The following MAGI2 variants were observed in gnomAD, a reference collection of about 807,000 sequenced individuals.
MAGI2 encodes membrane associated guanylate kinase, WW and PDZ domain containing 2, also known as membrane-associated guanylate kinase, WW and PDZ domain-containing protein 2.
A neutral mutation model predicts 133.3 loss-of-function variants in MAGI2; 35 were observed. The ratio of observed to expected loss-of-function variants is 0.26; its 90% CI spans 0.20 to 0.35. The LOEUF (loss-of-function observed/expected upper bound fraction) is 0.35. MAGI2 is among the 10% of genes least tolerant of loss of function. The probability of loss-of-function intolerance (pLI) is 1.00; values close to 1 mark genes in which losing one functional copy is unlikely to be tolerated. For missense variants in MAGI2, 1,636 were observed against 1,863.4 expected, an observed-to-expected ratio of 0.88 and a Z score of 2.25; for synonymous variants, 729 against 710.6, an observed-to-expected ratio of 1.03 and a Z score of -0.41.
chr7:79,091,228 T>C (rs1817021575), intron 1 of MAGI2, among the ~76,000 whole-genome samples: 2 of 152,022 alleles, frequency 1.3e-5, no homozygotes, highest in Non-Finnish European at 2.9e-5. Context: ...TAAATTCCTC[T>C]TGAAGCTTGT....
chr7:79,379,215 G>C (rs1001266511), intron 1 of MAGI2, among the ~76,000 whole-genome samples: 1 of 149,916 alleles, frequency 6.7e-6, no homozygotes, highest in Non-Finnish European at 1.5e-5. Flanking sequence ...TGTGGTGTTT[G>C]GTTTTTTGTC....
At position 79,299,233 on chromosome 7, in the gene MAGI2, G is replaced by C. The variant is rs144176699; in HGVS notation, c.301+153787C>G. 1.6e-3 allele frequency among the ~76,000 whole-genome samples: 236 copies of C among 152,132 alleles called. 1 individual carries two copies. Among genetic ancestry groups the C allele is most frequent in the African/African-American group, 5.2e-3 (216 of 41,500 alleles). On this transcript the variant is annotated intron_variant, in intron 1 of 21. Coordinates refer to ENST00000354212, the MANE Select transcript of MAGI2 (RefSeq NM_012301.4). ...AAGAATATTTGATGTGGGTTTTTAA[G>C]ATTAAGTAGAAATTTTCCGGGCAGA...
At chr7:79,232,642 C>T in intron 1 of MAGI2, among the ~76,000 whole-genome samples, 1 of 105,498 alleles carries the variant, frequency 9.5e-6, no homozygotes, top group Non-Finnish European at 1.9e-5. Flanking sequence ...TGGTGATATC[C>T]CCTTTATCAT....
intron 1 of MAGI2, among the ~76,000 whole-genome samples, chr7:79,349,115 A>C (rs1457599386): frequency 6.6e-6 from 1 of 152,044 alleles, no homozygotes; most frequent in Non-Finnish European, 1.5e-5. Context: ...TTATGGATTT[A>C]TAAAACGTAA....
At chr7:78,243,355 T>C (rs1379337785) in intron 10 of MAGI2, among the ~76,000 whole-genome samples, 1 of 152,148 alleles carries the variant, frequency 6.6e-6, no homozygotes, top group African/African-American at 2.4e-5. Flanking sequence ...ATGTATATTA[T>C]ACTTGCACAT....
intron 2 of MAGI2, among the ~76,000 whole-genome samples, chr7:78,815,351 T>A (rs1011169357): frequency 1.3e-5 from 2 of 152,200 alleles, no homozygotes; most frequent in African/African-American, 4.8e-5. Context: ...CCATGGCAAA[T>A]AAGCTGGATT....
At chr7:79,421,956 TCAAA>T (rs1846988129) in intron 1 of MAGI2, among the ~76,000 whole-genome samples, 1 of 152,046 alleles carries the variant, frequency 6.6e-6, no homozygotes, top group South Asian at 2.1e-4. Context: ...TCACTGAGAT[TCAAA>T]CAAAGGAGGA....
intron 1 of MAGI2, among the ~76,000 whole-genome samples, chr7:79,297,820 G>A (rs1837059970): frequency 6.6e-6 from 1 of 152,204 alleles, no homozygotes; most frequent in African/African-American, 2.4e-5. Flanking sequence ...CAAATGAGTG[G>A]AAAGGACAGT....
chr7:78,031,185 T>C (rs1809531731), intron 21 of MAGI2, among the ~76,000 whole-genome samples: 1 of 152,140 alleles, frequency 6.6e-6, no homozygotes, highest in Admixed American at 6.5e-5. Flanking sequence ...GAAAACTGAT[T>C]AGTGGTTTCC....
chr7:78,078,727 G>A (rs1408371773), intron 21 of MAGI2: 17 of 604,302 alleles, frequency 2.8e-5, no homozygotes, highest in South Asian at 6.2e-5. Context: ...TTAATGGAGG[G>A]AGCAAAAGAA....
intron 1 of MAGI2, among the ~76,000 whole-genome samples, chr7:79,276,132 C>G (rs1835213707): frequency 6.6e-6 from 1 of 152,132 alleles, no homozygotes; most frequent in Non-Finnish European, 1.5e-5. Flanking sequence ...GATTGTGACT[C>G]TTCTGGTGGA....
At chr7:78,223,893 C>G (rs948953230) in intron 10 of MAGI2, among the ~76,000 whole-genome samples, 4 of 152,184 alleles carry the variant, frequency 2.6e-5, no homozygotes, top group Non-Finnish European at 5.9e-5. Flanking sequence ...ATTAAAGCCA[C>G]TGCTTTTCCC....
chr7:78,573,237 T>TATATATATAA (rs1801783622), intron 3 of MAGI2, among the ~76,000 whole-genome samples: 2 of 64,374 alleles, frequency 3.1e-5, no homozygotes, highest in Non-Finnish European at 2.6e-5. Context: ...AATATAAATA[T>TATATATATAA]ATATATATAA....
rs1177870180 is a variant in MAGI2, at chr7:78,575,170, AT to A, written c.538+51949del. Among the ~76,000 whole-genome samples the A allele has an allele frequency of 5.3e-5, 8 of 152,268 alleles. No individual in the cohort carries two copies. In the South Asian group the frequency reaches 6.2e-4, roughly 12 times the overall value. On this transcript the variant is annotated intron_variant, in intron 3 of 21. Coordinates refer to ENST00000354212, the MANE Select transcript of MAGI2 (RefSeq NM_012301.4). The stretch of plus-strand genomic sequence containing the variant: ...AAACAAACAAACACTTTAAAAAAAA[AT>A]CTCACAAAATAATTATTAACTATCA...
intron 1 of MAGI2, among the ~76,000 whole-genome samples, chr7:79,417,265 C>T (rs191534660): frequency 1.3e-5 from 2 of 152,182 alleles, no homozygotes; most frequent in Non-Finnish European, 2.9e-5. Flanking sequence ...AAGTCTAATA[C>T]TGATAGAATT....
At position 78,072,702 on chromosome 7, in the gene MAGI2, T is replaced by A. The variant is rs1047496977; in HGVS notation, c.3706+6245A>T. The A allele has an allele frequency of 6.6e-5, 26 of 393,028 alleles. 1 individual carries two copies. The highest frequency in any genetic ancestry group is 5.4e-4 in the African/African-American group (26 of 48,526). The allele number at this position is 393,028 out of a possible 1,614,324, so 24.3% of individuals were successfully genotyped here. A position where few individuals can be genotyped will look rare whatever the true frequency, so the allele number is the denominator to read the frequency against. On this transcript the variant is annotated intron_variant, in intron 21 of 21. Transcript: ENST00000354212. Reference sequence around the variant, plus strand: ...GGCAATATTTTTTCTTTCTTTTGAGTTGGGGTCTTGCTCTGTCGCCCAGGC... The same window carrying A: ...GGCAATATTTTTTCTTTCTTTTGAGATGGGGTCTTGCTCTGTCGCCCAGGC...
chr7:78,796,073 G>A (rs918999336), intron 2 of MAGI2, among the ~76,000 whole-genome samples: 1 of 152,080 alleles, frequency 6.6e-6, no homozygotes, highest in Non-Finnish European at 1.5e-5. Flanking sequence ...CATTGGTCTG[G>A]GGAAAAATTT....
chr7:78,470,142 AC>A (rs1375680390), intron 6 of MAGI2, among the ~76,000 whole-genome samples: 1 of 151,980 alleles, frequency 6.6e-6, no homozygotes, highest in East Asian at 1.9e-4. Flanking sequence ...CATTTTTCAC[AC>A]CCAAGTCTCT....
Position 78,127,311 on chromosome 7 carries a change from T to C in MAGI2, c.3309A>G (p.Gly1103=), listed in dbSNP as rs1015375436. 20 of 1,611,454 alleles carry C rather than the reference T, an allele frequency of 1.2e-5. No homozygotes were observed. The highest frequency in any genetic ancestry group is 2.5e-6 in the Non-Finnish European group (3 of 1,179,088). The change falls in exon 19 of 22, where the codon GGA becomes GGG. Residue 1103 remains glycine, a synonymous_variant. Coordinates refer to ENST00000354212, the MANE Select transcript of MAGI2 (RefSeq NM_012301.4). ...QPPLDYRQPP[G]GDYQQPPPLD... ...AGGGTGGGGGCTGCTGGTAGTCCCC[T>C]CCTGGGGGTTGCCTGTAATCCAGCG...
Sources: gnomAD v4.1 joint callset for allele counts (sites outside exome capture counted in the v4.1 genomes callset) on GRCh38, gnomAD v4.1.1 for gene constraint, MANE v1.5 for transcripts, NCBI Gene and HGNC (gene_info 2026-07-23, HGNC 2026-07-21) for gene names.